MED21: variants seen among roughly 807,000 people sequenced by gnomAD.
MED21 encodes the protein mediator of RNA polymerase II transcription subunit 21.
Under a neutral mutation model 18.2 loss-of-function variants are expected in MED21, and 9 were observed. That is an observed-to-expected ratio of 0.49 (90% CI 0.30 to 0.86). The LOEUF is 0.86. Ranked by LOEUF, MED21 falls within the 40% of genes least tolerant of loss-of-function variation. MED21 has a pLI of 0.07. For synonymous variants in MED21, 73 were observed against 60.5 expected (o/e 1.21, Z -0.96); for missense variants, 150 against 170.9 (o/e 0.88, Z 0.68).
chr12:27,022,600 G>A lies in MED21; in HGVS notation c.21G>A (p.Gln7=). MADRLT[Q]LQDAVNSLAD... is the part of the protein sequence containing the mutation. ...GGAACATGGCGGATCGGCTCACGCA[G>A]CTTCAGGACGCTGTGAATTCGGTGA... Residue 7 remains glutamine, a synonymous_variant, in exon 1 of 4, where the codon CAG becomes CAA. Coordinates refer to ENST00000282892, the MANE Select transcript of MED21 (RefSeq NM_004264.5). The A allele has an allele frequency of 6.3e-7, 1 of 1,584,100 alleles. No homozygotes were observed.
rs758282275 is a variant in MED21, at chr12:27,030,054, AATTAC to A, written c.*1597_*1601del. 3.5e-4 allele frequency: 157 copies of A among 453,448 alleles called. 1 individual carries two copies. Among genetic ancestry groups the A allele is most frequent in the Non-Finnish European group, 5.2e-4 (131 of 253,136 alleles). The allele number at this position is 453,448 out of a possible 1,614,324, so 28.1% of individuals were successfully genotyped here. A position where few individuals can be genotyped will look rare whatever the true frequency, so the allele number is the denominator to read the frequency against. On this transcript the variant is annotated 3_prime_UTR_variant, in exon 4 of 4. Transcript: ENST00000282892. ...AATAGACTTCTCTTGAGGTTTTAAA[AATTAC>A]ATTTGTTATTTGAAAGAAAAAAATT...
At chr12:27,032,243 C>A (rs1438766745), downstream of MED21, among the ~76,000 whole-genome samples, 1 of 152,264 alleles carries the variant, frequency 6.6e-6, no homozygotes, top group East Asian at 1.9e-4. Context: ...GCCTAAGTTA[C>A]TATCGTAACT....
At chr12:27,023,666 C>A (rs1222456383) in intron 1 of MED21, among the ~76,000 whole-genome samples, 1 of 152,124 alleles carries the variant, frequency 6.6e-6, no homozygotes, top group East Asian at 1.9e-4. Flanking sequence ...AAGTAGCTCC[C>A]CAGCTTTGTT....
At position 27,030,307 on chromosome 12, in the gene MED21, C is replaced by CTTT; in HGVS notation, c.*1854_*1856dup. 5.0e-6 allele frequency: 2 copies of CTTT among 402,406 alleles called. No homozygotes were observed. The highest frequency in any genetic ancestry group is 4.5e-6 in the Non-Finnish European group (1 of 221,582). 24.9% of individuals were successfully genotyped at this position (402,406 alleles called of 1,614,324 possible). On this transcript the variant is annotated 3_prime_UTR_variant, in exon 4 of 4. Transcript: ENST00000282892. ...ACCACGTCCAGCTAATTTTTTTTTT[C>CTTT]TTTTTTTTTTAGAGATGGGGTCTCA...
In MED21 at chr12:27,028,485, A is replaced by G; in HGVS notation, c.*24A>G. On this transcript the variant is annotated 3_prime_UTR_variant, in exon 4 of 4. Transcript: ENST00000282892. ...AGCATCAGTGGATACCATGTGGCTG[A>G]GAAAAGAACTGTTTGAGTGCCATTA... 6.3e-7 allele frequency: 1 copy of G among 1,598,724 alleles called. No homozygotes were observed. Among genetic ancestry groups the G allele is most frequent in the Non-Finnish European group, 8.5e-7 (1 of 1,170,304 alleles).
At chr12:27,022,966 T>C in intron 1 of MED21, 1 of 1,100,250 alleles carries the variant, frequency 9.1e-7, no homozygotes, top group Non-Finnish European at 1.1e-6. Flanking sequence ...GTTCTCTTTC[T>C]TTTGGGGGTT....
rs535155204 is a variant in MED21, at chr12:27,022,856, G to A, written c.42+235G>A. On this transcript the variant is annotated intron_variant, in intron 1 of 3. Transcript: ENST00000282892. ...CTCTTTCGCTTGAGGAGACCGGGAA[G>A]ATCGTTCTTGTCCGGGTGAGGCCGC... 6.9e-6 allele frequency: 10 copies of A among 1,445,572 alleles called. No individual in the cohort carries two copies. In the African/African-American group the frequency reaches 7.2e-5, roughly 10 times the overall value. The allele number at this position is 1,445,572 out of a possible 1,614,324, so 89.5% of individuals were successfully genotyped here. A position where few individuals can be genotyped will look rare whatever the true frequency, so the allele number is the denominator to read the frequency against.
intron 3 of MED21, among the ~76,000 whole-genome samples, chr12:27,028,030 T>C (rs898154107): frequency 1.3e-5 from 2 of 152,166 alleles, no homozygotes; most frequent in African/African-American, 2.4e-5. Context: ...CATTCTACAA[T>C]TGGAGTAGAA....
At chr12:27,036,772 G>A (rs1941652336) in intron 2 of MED21, among the ~76,000 whole-genome samples, 1 of 152,112 alleles carries the variant, frequency 6.6e-6, no homozygotes, top group Admixed American at 6.5e-5. Context: ...TATTTCTGAG[G>A]CCTCTGTTCT....
chr12:27,033,693 A>G (rs12300885), downstream of MED21, among the ~76,000 whole-genome samples: 1,791 of 152,294 alleles, frequency 0.012, 40 homozygotes, highest in African/African-American at 0.037. Flanking sequence ...CTTGTGTGCA[A>G]TTCAGGATAA....
At chr12:27,025,516 G>A (rs1941532276) in intron 1 of MED21, among the ~76,000 whole-genome samples, 1 of 152,178 alleles carries the variant, frequency 6.6e-6, no homozygotes, top group Admixed American at 6.5e-5. Context: ...TAATTCTGGT[G>A]TGAGATAATT....
At chr12:27,037,279 T>C (rs991344464) in intron 2 of MED21, 1 of 151,828 alleles carries the variant, frequency 6.6e-6, no homozygotes, top group Non-Finnish European at 1.5e-5. Flanking sequence ...GTGATTTTTG[T>C]ACATTGATTT....
chr12:27,033,632 A>T (rs1346546156), downstream of MED21, among the ~76,000 whole-genome samples: 3 of 152,210 alleles, frequency 2.0e-5, no homozygotes, highest in African/African-American at 7.2e-5. Flanking sequence ...TTGGGGCAAA[A>T]AGAGCAGAGG....
chr12:27,027,835 C>G (rs1340183462), intron 3 of MED21, among the ~76,000 whole-genome samples: 2 of 152,142 alleles, frequency 1.3e-5, no homozygotes, highest in Admixed American at 1.3e-4. Flanking sequence ...ACTTAATATC[C>G]TCTTAAAGGC....
chr12:27,030,452 C>G lies in MED21; in HGVS notation c.*1991C>G. 2.7e-6 allele frequency: 1 copy of G among 366,900 alleles called. No individual in the cohort carries two copies. Among genetic ancestry groups the G allele is most frequent in the Non-Finnish European group, 4.8e-6 (1 of 207,756 alleles). The allele number at this position is 366,900 out of a possible 1,614,324, so 22.7% of individuals were successfully genotyped here. ...GCGACACAGATTTTTCCCTAAAAAACTACAGATTATTTTCAAAAGCATTAA... is the reference window on the plus strand; with the variant it reads ...GCGACACAGATTTTTCCCTAAAAAAGTACAGATTATTTTCAAAAGCATTAA... On this transcript the variant is annotated 3_prime_UTR_variant, in exon 4 of 4. Coordinates refer to ENST00000282892, the MANE Select transcript of MED21 (RefSeq NM_004264.5).
chr12:27,024,728 T>A (rs1316005423), intron 1 of MED21, among the ~76,000 whole-genome samples: 1 of 152,226 alleles, frequency 6.6e-6, no homozygotes, highest in Non-Finnish European at 1.5e-5. Context: ...GCCTACTGTG[T>A]GTAAGCACCA....
chr12:27,025,125 A>T (rs1400688321), intron 1 of MED21, among the ~76,000 whole-genome samples: 4 of 152,170 alleles, frequency 2.6e-5, no homozygotes, highest in Non-Finnish European at 5.9e-5. Context: ...TGTGTTGAAT[A>T]TTTTTTTGTG....
At chr12:27,022,700 A>C (rs1319482360) in intron 1 of MED21, 79 bp downstream of exon 1, 10 of 1,611,196 alleles carry the variant, frequency 6.2e-6, no homozygotes, top group Non-Finnish European at 8.5e-6. Context: ...CCAAGAGGCA[A>C]AACTTGAAAG....
chr12:27,022,603 T>C lies in MED21; in HGVS notation c.24T>C (p.Leu8=), dbSNP rs1941484975. The stretch of plus-strand genomic sequence containing the variant: ...ACATGGCGGATCGGCTCACGCAGCT[T>C]CAGGACGCTGTGAATTCGGTGAGGA... MADRLTQ[L]QDAVNSLADQ... is the part of the protein sequence containing the mutation. Residue 8 remains leucine (L), a synonymous_variant, in exon 1 of 4, where the codon CTT becomes CTC. Transcript: ENST00000282892. 3.1e-6 allele frequency: 5 copies of C among 1,588,274 alleles called. No homozygotes were observed. In the South Asian group the frequency reaches 5.6e-5, roughly 18 times the overall value.
Sources: gnomAD v4.1 joint callset for allele counts (sites outside exome capture counted in the v4.1 genomes callset) on GRCh38, gnomAD v4.1.1 for gene constraint, MANE v1.5 for transcripts, NCBI Gene and HGNC (gene_info 2026-07-23, HGNC 2026-07-21) for gene names.